The following INTS2 variants were observed in gnomAD, a reference collection of about 807,000 sequenced individuals.
The protein encoded by INTS2 is integrator complex subunit 2.
A neutral mutation model predicts 139.6 loss-of-function variants in INTS2; 57 were observed. The observed-to-expected ratio is 0.41, with a 90% CI of 0.33 to 0.51. The LOEUF (loss-of-function observed/expected upper bound fraction) is 0.51. INTS2 is among the 20% of genes least tolerant of loss of function. The pLI, the probability that INTS2 is intolerant of heterozygous loss-of-function variation, is 0.28. For missense variants in INTS2, 1,196 were observed against 1,436.7 expected, an observed-to-expected ratio of 0.83 and a Z score of 2.71; for synonymous variants, 473 against 493.4, an observed-to-expected ratio of 0.96 and a Z score of 0.55.
In INTS2 at chr17:61,909,274, C is replaced by T. The variant is rs1380421494; in HGVS notation, c.955-1640G>A. Among the ~76,000 whole-genome samples the T allele has an allele frequency of 1.3e-5, 2 of 152,000 alleles. No homozygotes were observed. Among genetic ancestry groups the T allele is most frequent in the African/African-American group, 4.8e-5 (2 of 41,408 alleles). On this transcript the variant is annotated intron_variant, in intron 7 of 24. Transcript: ENST00000251334. The surrounding 1 kb of genome is among the most constrained non-coding windows in gnomAD (Gnocchi z 4.9). The stretch of plus-strand genomic sequence containing the variant: ...CTACAGGCACGCACATCACGCTCAG[C>T]TAATTTTTGTATTTTTAGTAGAGAC...
At chr17:61,915,697 G>A (rs542582406) in intron 5 of INTS2, among the ~76,000 whole-genome samples, 18 of 149,836 alleles carry the variant, frequency 1.2e-4, no homozygotes, top group African/African-American at 3.7e-4. Context: ...CGGGCGTGGT[G>A]GCGGGTGCCT....
chr17:61,925,074 C>T lies in INTS2; in HGVS notation c.319G>A (p.Glu107Lys). 1 of 1,613,656 alleles carries T rather than the reference C, an allele frequency of 6.2e-7. No individual in the cohort carries two copies. ...TGAAGCTGTGATACCAGGATGCTCT[C>T]TCCACTGCCTCCTCCAAGTTTATGC... is the stretch of plus-strand genomic sequence containing the variant. Reference protein sequence around the residue: ...LRHKLGGGSGESILVSQLQHG... With the variant: ...LRHKLGGGSGKSILVSQLQHG... Residue 107 changes from glutamate to lysine, a missense_variant, in exon 3 of 25, where the codon GAG becomes AAG. Physicochemically the swap from Glu to Lys is moderately conservative, Grantham distance 56. Transcript: ENST00000251334.
chr17:61,899,426 A>T (rs946766489), intron 9 of INTS2, among the ~76,000 whole-genome samples: 1 of 151,786 alleles, frequency 6.6e-6, no homozygotes, highest in Non-Finnish European at 1.5e-5. Context: ...AATTTTTTAT[A>T]TTTTTAGTAG....
intron 9 of INTS2, among the ~76,000 whole-genome samples, chr17:61,903,972 C>T (rs768109733): frequency 1.3e-5 from 2 of 151,920 alleles, no homozygotes; most frequent in African/African-American, 2.4e-5. Flanking sequence ...ACAAAATAAA[C>T]AGCTAAAAGA....
At chr17:61,922,548 G>GTATATATATATATATA (rs1491297129) in intron 3 of INTS2, among the ~76,000 whole-genome samples, 7 of 81,082 alleles carry the variant, frequency 8.6e-5, no homozygotes, top group Non-Finnish European at 1.5e-4. Context: ...ATATATATAC[G>GTATATATATATATATA]TGTTCAATTC....
chr17:61,911,810 CAG>C (rs1603381604), intron 6 of INTS2, 117 bp from the exon 7 acceptor site: 1 of 1,420,978 alleles, frequency 7.0e-7, no homozygotes. Context: ...CATAAAAACC[CAG>C]AGAGGAAGGT....
At chr17:61,892,451 T>C (rs2079304371) in intron 13 of INTS2, among the ~76,000 whole-genome samples, 1 of 152,142 alleles carries the variant, frequency 6.6e-6, no homozygotes, top group South Asian at 2.1e-4. Context: ...TGAGGTGTCC[T>C]TATGACAAAT....
intron 9 of INTS2, among the ~76,000 whole-genome samples, chr17:61,899,424 A>G (rs915303928): frequency 1.3e-5 from 2 of 151,560 alleles, no homozygotes; most frequent in South Asian, 2.1e-4. Context: ...CTAATTTTTT[A>G]TATTTTTAGT....
intron 11 of INTS2, among the ~76,000 whole-genome samples, chr17:61,896,964 C>T (rs1023673734): frequency 3.3e-5 from 5 of 152,036 alleles, no homozygotes; most frequent in Non-Finnish European, 5.9e-5. Context: ...CATGTGGGTG[C>T]CTATGTGTGT....
chr17:61,917,540 A>T (rs2079595164), intron 5 of INTS2, among the ~76,000 whole-genome samples: 3 of 152,212 alleles, frequency 2.0e-5, no homozygotes, highest in Non-Finnish European at 1.5e-5. Flanking sequence ...AGAAAACCAA[A>T]TACCACATGT....
In INTS2 at chr17:61,882,682, T is replaced by A. The variant is rs780991742; in HGVS notation, c.2090-1511A>T. Among the ~76,000 whole-genome samples, 1 of 152,134 alleles carries A rather than the reference T, an allele frequency of 6.6e-6. No homozygotes were observed. The highest frequency in any genetic ancestry group is 1.5e-5 in the Non-Finnish European group (1 of 68,032). The stretch of plus-strand genomic sequence containing the variant: ...ACGTGGAGGTTGCAGTGAGCCAAGA[T>A]CATGCCATTGCACTCCAGCCTGGGT... On this transcript the variant is annotated intron_variant, in intron 16 of 24. Coordinates refer to ENST00000251334, the MANE Select transcript of INTS2 (RefSeq NM_001351695.2). The surrounding 1 kb of genome is among the most constrained non-coding windows in gnomAD (Gnocchi z 4.7).
At chr17:61,907,167 T>TA (rs1295586619) in intron 8 of INTS2, among the ~76,000 whole-genome samples, 2 of 152,084 alleles carry the variant, frequency 1.3e-5, no homozygotes, top group Non-Finnish European at 2.9e-5. Context: ...TGGAAATTGA[T>TA]AAACTGCTCT....
Position 61,897,423 on chromosome 17 carries a change from T to TTTC in INTS2, c.1494+45_1494+46insGAA. On this transcript the variant is annotated intron_variant, in intron 11 of 24. Transcript: ENST00000251334. The surrounding 1 kb of genome is among the most constrained non-coding windows in gnomAD (Gnocchi z 4.4). ...TTTACACTACAACAAAATGTCCAGC[T>TTTC]TAGAAACACCTTTTTTTTTTTAGAA... 8.4e-7 allele frequency: 1 copy of TTTC among 1,183,700 alleles called. No individual in the cohort carries two copies. The highest frequency in any genetic ancestry group is 1.4e-5 in the South Asian group (1 of 69,134). The allele number at this position is 1,183,700 out of a possible 1,614,324, so 73.3% of individuals were successfully genotyped here. A position where few individuals can be genotyped will look rare whatever the true frequency, so the allele number is the denominator to read the frequency against.
At chr17:61,895,661 G>T (rs751284089) in intron 11 of INTS2, among the ~76,000 whole-genome samples, 2 of 152,080 alleles carry the variant, frequency 1.3e-5, no homozygotes, top group African/African-American at 4.8e-5. Context: ...CTGCCCCTCT[G>T]TGAGGCCAAG....
intron 3 of INTS2, among the ~76,000 whole-genome samples, chr17:61,922,955 TA>T (rs2079662961): frequency 6.6e-6 from 1 of 150,974 alleles, no homozygotes; most frequent in South Asian, 2.1e-4. Context: ...CGGGTGCCTG[TA>T]ATTCTAGCTA....
In INTS2 at chr17:61,870,858, T is replaced by C. The variant is rs2079083387; in HGVS notation, c.2779-870A>G. Among the ~76,000 whole-genome samples, 1 of 152,168 alleles carries C rather than the reference T, an allele frequency of 6.6e-6. No individual in the cohort carries two copies. ...AGGAGCCAGAGTGCCTAGGAGTGAATCCTGGTTCTGACATTTACTAAATGT... is the reference window on the plus strand; with the variant it reads ...AGGAGCCAGAGTGCCTAGGAGTGAACCCTGGTTCTGACATTTACTAAATGT... On this transcript the variant is annotated intron_variant, in intron 20 of 24. Transcript: ENST00000251334. The surrounding 1 kb of genome is among the most constrained non-coding windows in gnomAD (Gnocchi z 4.4).
chr17:61,895,307 A>G lies in INTS2; in HGVS notation c.1563+8T>C. On this transcript the variant is annotated splice_region_variant and intron_variant, in intron 12 of 24. Coordinates refer to ENST00000251334, the MANE Select transcript of INTS2 (RefSeq NM_001351695.2). ...GTTAAATAAGTACCTAAGAATAAAA[A>G]GAAATACCTGCTCAGTAAAAATTTC... The G allele has an allele frequency of 6.5e-7, 1 of 1,532,832 alleles. No homozygotes were observed. The allele number at this position is 1,532,832 out of a possible 1,614,324, so 95.0% of individuals were successfully genotyped here. A position where few individuals can be genotyped will look rare whatever the true frequency, so the allele number is the denominator to read the frequency against.
intron 5 of INTS2, among the ~76,000 whole-genome samples, chr17:61,915,932 C>T (rs2079578819): frequency 6.6e-6 from 1 of 151,400 alleles, no homozygotes; most frequent in African/African-American, 2.4e-5. Context: ...CCAAAGCAAT[C>T]TACAGATTCA....
chr17:61,903,193 AG>A (rs139593321), intron 9 of INTS2, among the ~76,000 whole-genome samples: 13 of 148,162 alleles, frequency 8.8e-5, no homozygotes, highest in African/African-American at 2.7e-4. Context: ...AAAAAAAAAA[AG>A]AAAGAAAGGA....
Sources: allele counts gnomAD v4.1 joint callset (sites outside exome capture counted in the v4.1 genomes callset), GRCh38; gene constraint gnomAD v4.1.1; non-coding constraint Gnocchi (gnomAD v3.1); transcripts MANE v1.5; gene names NCBI Gene and HGNC (gene_info 2026-07-23, HGNC 2026-07-21).